Variants in SLC2A13 observed in about 807,000 individuals in gnomAD.
SLC2A13 encodes the protein solute carrier family 2 member 13, also known as proton myo-inositol cotransporter.
In SLC2A13, 32 loss-of-function variants were observed where a neutral mutation model predicts 64.4. That is an observed-to-expected ratio of 0.50 (90% CI 0.37 to 0.67). SLC2A13 has a LOEUF of 0.67. SLC2A13 is among the 30% of genes least tolerant of loss of function. The pLI is 0.00. For missense variants in SLC2A13, 743 were observed against 829.2 expected, an observed-to-expected ratio of 0.90 and a Z score of 1.28; for synonymous variants, 338 against 327.1, an observed-to-expected ratio of 1.03 and a Z score of -0.36.
chr12:39,996,461 C>T (rs913098244), intron 3 of SLC2A13, among the ~76,000 whole-genome samples: 5 of 152,164 alleles, frequency 3.3e-5, no homozygotes, highest in African/African-American at 4.8e-5. Flanking sequence ...GCATAAGTAA[C>T]GAGAAGCCAA....
At chr12:39,874,172 G>C (rs563609483) in intron 4 of SLC2A13, among the ~76,000 whole-genome samples, 1 of 152,196 alleles carries the variant, frequency 6.6e-6, no homozygotes, top group Non-Finnish European at 1.5e-5. Context: ...TGTTAGGGTT[G>C]TGCCTTGTCA....
chr12:39,820,576 C>T (rs144702658), intron 7 of SLC2A13, among the ~76,000 whole-genome samples: 136 of 151,972 alleles, frequency 8.9e-4, no homozygotes, highest in African/African-American at 3.2e-3. Context: ...ACAGAGGCAG[C>T]GGTTCTTTGA....
At chr12:39,810,896 G>A (rs979440089) in intron 7 of SLC2A13, among the ~76,000 whole-genome samples, 1 of 151,968 alleles carries the variant, frequency 6.6e-6, no homozygotes, top group African/African-American at 2.4e-5. Context: ...TTTCTTTCTT[G>A]CAGTTTCTGG....
intron 1 of SLC2A13, among the ~76,000 whole-genome samples, chr12:40,053,707 A>T (rs1331424264): frequency 1.3e-5 from 2 of 152,150 alleles, no homozygotes; most frequent in African/African-American, 4.8e-5. Context: ...ATAATTTGGG[A>T]CTAGGCAAGT....
intron 3 of SLC2A13, among the ~76,000 whole-genome samples, chr12:39,990,133 A>G (rs371308638): frequency 6.6e-6 from 1 of 152,190 alleles, no homozygotes; most frequent in East Asian, 1.9e-4. Flanking sequence ...ATGGCCATGT[A>G]TTCTGGAGTC....
intron 7 of SLC2A13, among the ~76,000 whole-genome samples, chr12:39,824,328 C>T (rs1942607432): frequency 6.6e-6 from 1 of 152,164 alleles, no homozygotes; most frequent in African/African-American, 2.4e-5. Context: ...TATTGAACAT[C>T]AGCAGTTTAT....
Position 40,079,494 on chromosome 12 carries a change from G to A in SLC2A13, c.556+25759C>T, listed in dbSNP as rs148380933. Among the ~76,000 whole-genome samples the A allele has an allele frequency of 3.0e-4, 46 of 152,268 alleles. No homozygotes were observed. In the East Asian group the frequency reaches 8.5e-3, roughly 28 times the overall value. On this transcript the variant is annotated intron_variant, in intron 1 of 9. Transcript: ENST00000280871. Reference sequence around the variant, plus strand: ...GACTGGTTGGTAGGGTTTTGTGTTTGTTTTTGTTGAGAATTGCTTTATGGC... The same window carrying A: ...GACTGGTTGGTAGGGTTTTGTGTTTATTTTTGTTGAGAATTGCTTTATGGC...
chr12:39,783,116 C>T (rs931602230), intron 7 of SLC2A13, among the ~76,000 whole-genome samples: 12 of 152,202 alleles, frequency 7.9e-5, no homozygotes, highest in East Asian at 3.9e-4. Context: ...TGAGAACATG[C>T]GGTGTTTGGT....
chr12:39,945,949 A>T (rs183868130), intron 4 of SLC2A13, among the ~76,000 whole-genome samples: 25 of 151,938 alleles, frequency 1.6e-4, no homozygotes, highest in Admixed American at 1.4e-3. Flanking sequence ...TCATATAGCC[A>T]TGGTTGGCCT....
At chr12:39,793,351 G>A (rs924551896) in intron 7 of SLC2A13, among the ~76,000 whole-genome samples, 3 of 152,076 alleles carry the variant, frequency 2.0e-5, no homozygotes, top group African/African-American at 7.2e-5. Context: ...TAAATGCAGA[G>A]ATGTACCTTG....
intron 2 of SLC2A13, among the ~76,000 whole-genome samples, chr12:40,046,663 C>A (rs904585371): frequency 4.0e-5 from 6 of 151,874 alleles, no homozygotes; most frequent in Non-Finnish European, 7.4e-5. Flanking sequence ...AAAGAAACTT[C>A]CTGCTTCAGT....
At chr12:40,011,746 T>G (rs1947536118) in intron 3 of SLC2A13, among the ~76,000 whole-genome samples, 1 of 152,188 alleles carries the variant, frequency 6.6e-6, no homozygotes, top group Non-Finnish European at 1.5e-5. Flanking sequence ...TTTGGTTGCC[T>G]TCTCTGAAAT....
intron 3 of SLC2A13, among the ~76,000 whole-genome samples, chr12:40,016,253 A>C (rs1947619340): frequency 6.6e-6 from 1 of 152,194 alleles, no homozygotes. Flanking sequence ...ATTAAGCTTA[A>C]GACAGAAAAA....
chr12:39,898,609 T>A (rs1592261917), intron 4 of SLC2A13, among the ~76,000 whole-genome samples: 1 of 152,118 alleles, frequency 6.6e-6, no homozygotes, highest in East Asian at 1.9e-4. Context: ...GTCTTCAAAT[T>A]GAAGAATCAG....
chr12:40,005,537 G>A (rs969666173), intron 3 of SLC2A13, among the ~76,000 whole-genome samples: 1 of 152,124 alleles, frequency 6.6e-6, no homozygotes, highest in African/African-American at 2.4e-5. Flanking sequence ...ACCTAAATCT[G>A]AAGTGGTTCT....
intron 1 of SLC2A13, among the ~76,000 whole-genome samples, chr12:40,074,907 T>C (rs540620809): frequency 1.3e-5 from 2 of 152,274 alleles, no homozygotes; most frequent in South Asian, 4.1e-4. Flanking sequence ...AGTTCTCTTC[T>C]CTCTTAGTTG....
At chr12:39,967,594 T>G (rs1946543623) in intron 3 of SLC2A13, among the ~76,000 whole-genome samples, 1 of 152,246 alleles carries the variant, frequency 6.6e-6, no homozygotes, top group African/African-American at 2.4e-5. Flanking sequence ...ATGTGGCTAT[T>G]ATAAATTATT....
intron 4 of SLC2A13, 74 bp from the exon 5 acceptor site, chr12:39,872,035 T>A (rs946122576): frequency 3.1e-6 from 4 of 1,309,786 alleles, no homozygotes; most frequent in South Asian, 2.1e-5. Flanking sequence ...TAGAAAAAGA[T>A]GTATTCAATT....
chr12:39,890,303 C>T (rs1383123220), intron 4 of SLC2A13, among the ~76,000 whole-genome samples: 4 of 152,066 alleles, frequency 2.6e-5, no homozygotes, highest in Admixed American at 6.6e-5. Flanking sequence ...TATTATTAAA[C>T]AGTATTATTT....
Sources: allele counts gnomAD v4.1 joint callset (sites outside exome capture counted in the v4.1 genomes callset), GRCh38; gene constraint gnomAD v4.1.1; transcripts MANE v1.5; gene names NCBI Gene and HGNC (gene_info 2026-07-23, HGNC 2026-07-21).